BORCS5: variants seen among roughly 807,000 people sequenced by gnomAD.
BORCS5 encodes BLOC-1 related complex subunit 5.
In BORCS5, 17 loss-of-function variants were observed where a neutral mutation model predicts 22.1. The observed-to-expected ratio is 0.77, with a 90% CI of 0.53 to 1.15. The LOEUF (loss-of-function observed/expected upper bound fraction) is 1.15, where lower values mean the gene tolerates loss of function less well. Ranked by LOEUF, BORCS5 falls within the 50% of genes most tolerant of loss-of-function variation. The probability of loss-of-function intolerance (pLI) is 0.00; values close to 1 mark genes in which losing one functional copy is unlikely to be tolerated. For missense variants in BORCS5, 247 were observed against 253.2 expected (o/e 0.98, Z 0.17); for synonymous variants, 117 against 99.8 (o/e 1.17, Z -1.03).
At chr12:12,428,211 C>A (rs1446590893) in intron 2 of BORCS5, among the ~76,000 whole-genome samples, 1 of 152,206 alleles carries the variant, frequency 6.6e-6, no homozygotes, top group Non-Finnish European at 1.5e-5. Flanking sequence ...AGCCATATGG[C>A]TCTGCACTGT....
intron 1 of BORCS5, 54 bp from the exon 2 acceptor site, chr12:12,361,152 G>A: frequency 6.4e-7 from 1 of 1,559,296 alleles, no homozygotes; most frequent in Non-Finnish European, 8.8e-7. Context: ...AACTGCTTTG[G>A]TGAGGCAGAG....
intron 3 of BORCS5, among the ~76,000 whole-genome samples, chr12:12,458,745 G>C (rs1943045451): frequency 6.6e-6 from 1 of 151,532 alleles, no homozygotes; most frequent in Non-Finnish European, 1.5e-5. Flanking sequence ...GGCCGAGGCA[G>C]GTGGATCATG....
intron 2 of BORCS5, among the ~76,000 whole-genome samples, chr12:12,396,634 G>A (rs191730521): frequency 2.0e-5 from 3 of 152,134 alleles, no homozygotes; most frequent in East Asian, 1.9e-4. Context: ...TGGAGGGAGT[G>A]GGGGGTGGGG....
At chr12:12,437,522 C>A (rs775191987) in intron 3 of BORCS5, among the ~76,000 whole-genome samples, 1 of 152,178 alleles carries the variant, frequency 6.6e-6, no homozygotes, top group Admixed American at 6.5e-5. Context: ...AAAATAAGTT[C>A]TACAAAACTA....
At chr12:12,375,770 G>A (rs1189771617) in intron 2 of BORCS5, among the ~76,000 whole-genome samples, 1 of 152,170 alleles carries the variant, frequency 6.6e-6, no homozygotes, top group Non-Finnish European at 1.5e-5. Flanking sequence ...ACCAACTGGT[G>A]AAAATCATCA....
intron 2 of BORCS5, among the ~76,000 whole-genome samples, chr12:12,415,992 T>C (rs1042408334): frequency 2.0e-5 from 3 of 152,192 alleles, no homozygotes; most frequent in Admixed American, 6.5e-5. Flanking sequence ...TATTATGTAT[T>C]CAATCTCCTT....
intron 1 of BORCS5, 82 bp from the exon 2 acceptor site, chr12:12,361,124 T>C: frequency 1.4e-6 from 2 of 1,386,004 alleles, no homozygotes; most frequent in Admixed American, 1.9e-5. Context: ...AATTATTCTT[T>C]TTAATCACTA....
chr12:12,375,801 T>G (rs1863635957), intron 2 of BORCS5, among the ~76,000 whole-genome samples: 2 of 149,394 alleles, frequency 1.3e-5, no homozygotes, highest in Non-Finnish European at 2.9e-5. Context: ...GTAATCATGG[T>G]TTTTTTTGTT....
chr12:12,390,753 A>G (rs1218158905), intron 2 of BORCS5, among the ~76,000 whole-genome samples: 1 of 151,614 alleles, frequency 6.6e-6, no homozygotes, highest in Non-Finnish European at 1.5e-5. Context: ...ACCACTGCAC[A>G]GCAGCCTGGG....
chr12:12,464,675 C>G (rs565665227), intron 3 of BORCS5, among the ~76,000 whole-genome samples: 7 of 152,078 alleles, frequency 4.6e-5, no homozygotes, highest in Non-Finnish European at 8.8e-5. Flanking sequence ...ATGGCGGTCT[C>G]TCTCTCTATT....
intron 2 of BORCS5, among the ~76,000 whole-genome samples, chr12:12,407,038 G>T (rs973852380): frequency 6.6e-6 from 1 of 152,176 alleles, no homozygotes; most frequent in Non-Finnish European, 1.5e-5. Flanking sequence ...AGGCAAGTGG[G>T]ACAAAGTGGG....
chr12:12,459,333 A>G (rs1040508137), intron 3 of BORCS5, among the ~76,000 whole-genome samples: 2 of 151,076 alleles, frequency 1.3e-5, no homozygotes, highest in East Asian at 3.9e-4. Flanking sequence ...TTTTAAAGAC[A>G]GGGTTTTGCT....
chr12:12,438,375 A>AAAAAAAAAAC (rs1294732982), intron 3 of BORCS5, among the ~76,000 whole-genome samples: 1 of 82,246 alleles, frequency 1.2e-5, no homozygotes, highest in Non-Finnish European at 2.9e-5. Flanking sequence ...AAAAAAAAAA[A>AAAAAAAAAAC]AAAAACGAAA....
chr12:12,361,248 T>C lies in BORCS5; in HGVS notation c.101T>C (p.Ile34Thr), dbSNP rs759756604. Residue 34 changes from isoleucine to threonine, a missense_variant, in exon 2 of 4, where the codon ATT (isoleucine) becomes ACT (threonine). Physicochemically the swap from Ile to Thr is moderately conservative, Grantham distance 89. Transcript: ENST00000314565. The stretch of plus-strand genomic sequence containing the variant: ...AAGCATAGAGCCAAGATGGATGATA[T>C]TGTGGTTGTAGCTCAGGGCTCCCAG... ...PAKHRAKMDD[I>T]VVVAQGSQAS... is the part of the protein sequence containing the mutation. 2.5e-6 allele frequency: 4 copies of C among 1,614,030 alleles called. No individual in the cohort carries two copies. Among genetic ancestry groups the C allele is most frequent in the South Asian group, 2.2e-5 (2 of 91,086 alleles).
At chr12:12,373,011 C>T (rs953364603) in intron 2 of BORCS5, among the ~76,000 whole-genome samples, 1 of 152,002 alleles carries the variant, frequency 6.6e-6, no homozygotes, top group Non-Finnish European at 1.5e-5. Context: ...GATTATGTCT[C>T]CCCCCAATTC....
intron 2 of BORCS5, among the ~76,000 whole-genome samples, chr12:12,431,784 C>T (rs1312443114): frequency 1.3e-5 from 2 of 151,168 alleles, no homozygotes; most frequent in African/African-American, 4.9e-5. Context: ...GCCTTTGCCT[C>T]CCGGGTTCGA....
intron 2 of BORCS5, among the ~76,000 whole-genome samples, chr12:12,374,466 G>C (rs1863602733): frequency 2.0e-5 from 3 of 148,036 alleles, no homozygotes. Context: ...GACCCTGTCT[G>C]TACTACAGAA....
Position 12,423,986 on chromosome 12 carries a change from G to T in BORCS5, c.203-11642G>T, listed in dbSNP as rs189279802. Among the ~76,000 whole-genome samples, 173 of 152,310 alleles carry T rather than the reference G, an allele frequency of 1.1e-3. 1 individual carries two copies. The East Asian group carries it at 0.025, about 22-fold the overall frequency. Reference sequence around the variant, plus strand: ...ATTACAGGCGTGAGCCAGTGTGCCTGGCCCTTTCTAAAGGTTGATTATAAT... The same window carrying T: ...ATTACAGGCGTGAGCCAGTGTGCCTTGCCCTTTCTAAAGGTTGATTATAAT... On this transcript the variant is annotated intron_variant, in intron 2 of 3. Coordinates refer to ENST00000314565, the MANE Select transcript of BORCS5 (RefSeq NM_058169.6).
chr12:12,407,237 T>C (rs1941614147), intron 2 of BORCS5, among the ~76,000 whole-genome samples: 1 of 152,224 alleles, frequency 6.6e-6, no homozygotes, highest in Non-Finnish European at 1.5e-5. Flanking sequence ...AGAAGAATCC[T>C]TCATCCCCCT....
Sources: allele counts gnomAD v4.1 joint callset (sites outside exome capture counted in the v4.1 genomes callset), GRCh38; gene constraint gnomAD v4.1.1; transcripts MANE v1.5; gene names NCBI Gene and HGNC (gene_info 2026-07-23, HGNC 2026-07-21).